ERBIN: variants seen among roughly 807,000 people sequenced by gnomAD.
The protein encoded by ERBIN is densin-180-like protein.
Under a neutral mutation model 158.4 loss-of-function variants are expected in ERBIN, and 60 were observed. The observed-to-expected ratio is 0.38, with a 90% CI of 0.31 to 0.47. The LOEUF is 0.47. Among genes scored for constraint, ERBIN ranks in the 20% least tolerant of loss-of-function variants. The pLI, the probability that ERBIN is intolerant of heterozygous loss-of-function variation, is 0.99. For synonymous variants in ERBIN, 594 were observed against 557.2 expected (o/e 1.07, Z -0.93); for missense variants, 1,610 against 1,648.0 (o/e 0.98, Z 0.40).
At chr5:65,979,897 C>T (rs1283322117) in intron 1 of ERBIN, among the ~76,000 whole-genome samples, 4 of 151,978 alleles carry the variant, frequency 2.6e-5, no homozygotes, top group South Asian at 2.1e-4. Context: ...TATAAGAGCA[C>T]AAAAGTTGGA....
intron 1 of ERBIN, among the ~76,000 whole-genome samples, chr5:65,937,894 C>G (rs1353047634): frequency 6.6e-6 from 1 of 152,086 alleles, no homozygotes; most frequent in Non-Finnish European, 1.5e-5. Flanking sequence ...GGGGACTGAG[C>G]TAGACTCCCA....
chr5:66,013,516 T>C, intron 5 of ERBIN, 33 bp from the exon 6 acceptor site: 2 of 1,355,776 alleles, frequency 1.5e-6, no homozygotes, highest in East Asian at 2.3e-5. Flanking sequence ...ATTTCTTACA[T>C]GAACTTAACT....
chr5:66,044,813 A>G (rs1005950900), intron 17 of ERBIN, among the ~76,000 whole-genome samples: 1 of 151,446 alleles, frequency 6.6e-6, no homozygotes, highest in Non-Finnish European at 1.5e-5. Context: ...ATGGTGGCTC[A>G]CTCCTGTTAT....
At chr5:65,999,376 T>A (rs564244429) in intron 4 of ERBIN, among the ~76,000 whole-genome samples, 1 of 152,242 alleles carries the variant, frequency 6.6e-6, no homozygotes, top group East Asian at 1.9e-4. Context: ...AATAAATAAA[T>A]AAAAACAAAA....
chr5:65,991,681 C>T (rs1417893880), intron 2 of ERBIN, among the ~76,000 whole-genome samples: 2 of 152,076 alleles, frequency 1.3e-5, no homozygotes, highest in African/African-American at 4.8e-5. Flanking sequence ...TAATCTTAGC[C>T]TAGTTAGAAT....
At chr5:66,077,166 A>AC (rs922985099) in intron 25 of ERBIN, among the ~76,000 whole-genome samples, 2 of 151,916 alleles carry the variant, frequency 1.3e-5, no homozygotes, top group African/African-American at 4.8e-5. Context: ...AAAAAAAAAA[A>AC]AAAGTTTGAT....
At chr5:65,993,058 T>A (rs935380187) in intron 3 of ERBIN, 151 bp downstream of exon 3, 12 of 484,330 alleles carry the variant, frequency 2.5e-5, no homozygotes, top group African/African-American at 1.6e-4. Flanking sequence ...ACAATTCAAA[T>A]TTTTAAAAGT....
At chr5:66,020,492 C>G (rs188669561) in intron 7 of ERBIN, among the ~76,000 whole-genome samples, 154 of 151,956 alleles carry the variant, frequency 1.0e-3, no homozygotes, top group Admixed American at 4.3e-3. Flanking sequence ...TTGTCATATC[C>G]TACAAAATCC....
intron 4 of ERBIN, among the ~76,000 whole-genome samples, chr5:66,008,842 A>G (rs1210515863): frequency 6.6e-6 from 1 of 152,238 alleles, no homozygotes; most frequent in African/African-American, 2.4e-5. Flanking sequence ...AGTATTAAGA[A>G]TTATGTACCA....
In ERBIN at chr5:66,053,700, C is replaced by G. The variant is rs900009889; in HGVS notation, c.2382C>G (p.Ser794Arg). 1.2e-6 allele frequency: 2 copies of G among 1,613,818 alleles called. No homozygotes were observed. The highest frequency in any genetic ancestry group is 8.5e-7 in the Non-Finnish European group (1 of 1,179,966). Residue 794 changes from serine to arginine, a missense_variant, in exon 21 of 26, where the codon AGC becomes AGG. Transcript: ENST00000284037. ...CACAGGATATTGTGCTTGGAACAAG[C>G]TTTTTAAGCATTAATTCTAAAGAGG... ...SKTQDIVLGT[S>R]FLSINSKEET...
chr5:66,013,428 C>A (rs1754411261), intron 5 of ERBIN, 121 bp from the exon 6 acceptor site: 1 of 716,364 alleles, frequency 1.4e-6, no homozygotes, highest in Non-Finnish European at 2.4e-6. Context: ...TAAAAGTAGC[C>A]ACTCATAACA....
intron 1 of ERBIN, among the ~76,000 whole-genome samples, chr5:65,952,379 C>T (rs1746612568): frequency 6.6e-6 from 1 of 152,016 alleles, no homozygotes; most frequent in South Asian, 2.1e-4. Flanking sequence ...GATGGGCTCT[C>T]ACTATGCTTC....
At chr5:65,996,562 G>A (rs926218571) in intron 4 of ERBIN, among the ~76,000 whole-genome samples, 3 of 151,972 alleles carry the variant, frequency 2.0e-5, no homozygotes, top group Non-Finnish European at 2.9e-5. Context: ...TTGTGAAGTC[G>A]GGTGTGATGC....
chr5:65,940,852 A>G (rs1015810664), intron 1 of ERBIN, among the ~76,000 whole-genome samples: 106 of 152,214 alleles, frequency 7.0e-4, no homozygotes, highest in African/African-American at 2.6e-3. Context: ...CATGATGACA[A>G]TGGCGGTTTT....
At chr5:65,946,366 A>AAATGAATGAATG (rs199983927) in intron 1 of ERBIN, among the ~76,000 whole-genome samples, 5 of 151,986 alleles carry the variant, frequency 3.3e-5, no homozygotes, top group African/African-American at 1.2e-4. Context: ...TCAGTCTCAT[A>AAATGAATGAATG]AATGAATGAA....
chr5:66,057,773 T>C (rs1168803625), intron 21 of ERBIN, among the ~76,000 whole-genome samples: 2 of 148,334 alleles, frequency 1.3e-5, no homozygotes, highest in African/African-American at 2.5e-5. Context: ...CATTGTTCAA[T>C]TTCCACCTGT....
intron 1 of ERBIN, among the ~76,000 whole-genome samples, chr5:65,972,086 T>C (rs1020931107): frequency 6.6e-6 from 1 of 152,004 alleles, no homozygotes; most frequent in African/African-American, 2.4e-5. Context: ...GGAGGAGTCA[T>C]TGTGAATTGG....
At position 66,081,736 on chromosome 5, in the gene ERBIN, G is replaced by A. The variant is rs1048874953; in HGVS notation, c.*3206G>A. ...AAATGTTTCTCTGATGGAGATTGAC[G>A]TGTGAAATCTATTTGGAAGGGTATT... On this transcript the variant is annotated 3_prime_UTR_variant, in exon 26 of 26. Coordinates refer to ENST00000284037, the MANE Select transcript of ERBIN (RefSeq NM_001253697.2). 2.3e-4 allele frequency: 35 copies of A among 152,118 alleles called. No individual in the cohort carries two copies. Among genetic ancestry groups the A allele is most frequent in the Admixed American group, 8.5e-4 (13 of 15,286 alleles). The allele number at this position is 152,118 out of a possible 1,614,324, so 9.4% of individuals were successfully genotyped here.
chr5:65,939,388 G>C (rs1672373088), intron 1 of ERBIN, among the ~76,000 whole-genome samples: 1 of 152,136 alleles, frequency 6.6e-6, no homozygotes, highest in Admixed American at 6.5e-5. Context: ...AGTGAGCCGA[G>C]GTTGCGCCAC....
Sources: allele counts gnomAD v4.1 joint callset (sites outside exome capture counted in the v4.1 genomes callset), GRCh38; gene constraint gnomAD v4.1.1; transcripts MANE v1.5; gene names NCBI Gene and HGNC (gene_info 2026-07-23, HGNC 2026-07-21).